The following LRFN1 variants were observed in gnomAD, a reference collection of about 807,000 sequenced individuals.
LRFN1 encodes the protein leucine-rich repeat and fibronectin type III domain-containing protein 1.
A neutral mutation model predicts 31.8 loss-of-function variants in LRFN1; 20 were observed. That is an observed-to-expected ratio of 0.63 (90% confidence interval 0.44 to 0.91). LRFN1 has a LOEUF of 0.91. LRFN1 is among the 40% of genes least tolerant of loss of function. The probability of loss-of-function intolerance (pLI) is 0.00; values close to 1 mark genes in which losing one functional copy is unlikely to be tolerated. For missense variants in LRFN1, 912 were observed against 1,129.8 expected (o/e 0.81, Z 2.76); for synonymous variants, 514 against 541.3 (o/e 0.95, Z 0.70).
chr19:39,311,018 C>T (rs2075148748), intron 4 of LRFN1, among the ~76,000 whole-genome samples: 1 of 152,218 alleles, frequency 6.6e-6, no homozygotes, highest in Non-Finnish European at 1.5e-5. Flanking sequence ...CCTTCCTCCT[C>T]CTCTCTTCAT....
At position 39,307,570 on chromosome 19, in the gene LRFN1, C is replaced by G. The variant is rs1255748801; in HGVS notation, c.*63G>C. The stretch of plus-strand genomic sequence containing the variant: ...GCTGCGCTTTCTCCCAGTCCCGCCC[C>G]AGCGTCCGTGCGGCTGGGCGTTTGG... On this transcript the variant is annotated 3_prime_UTR_variant, in exon 5 of 5. Transcript: ENST00000248668. This position sits in a 1 kb window ranked among gnomAD's most constrained non-coding sequence, Gnocchi z 6.7. 1 of 1,344,088 alleles carries G rather than the reference C, an allele frequency of 7.4e-7. No homozygotes were observed. The highest frequency in any genetic ancestry group is 3.1e-5 in the East Asian group (1 of 32,160). The allele number at this position is 1,344,088 out of a possible 1,614,324, so 83.3% of individuals were successfully genotyped here. A position where few individuals can be genotyped will look rare whatever the true frequency, so the allele number is the denominator to read the frequency against.
Position 39,313,912 on chromosome 19 carries a change from C to T in LRFN1, c.1406+19G>A, listed in dbSNP as rs764567440. On this transcript the variant is annotated intron_variant, in intron 4 of 4. Transcript: ENST00000248668. ...CTGGGCTTGGGAGGAGGCCCTGGGA[C>T]TGCAGCACCCGCACCCACCTGTAGA... 1 of 1,569,238 alleles carries T rather than the reference C, an allele frequency of 6.4e-7. No individual in the cohort carries two copies. The highest frequency in any genetic ancestry group is 8.6e-7 in the Non-Finnish European group (1 of 1,157,506).
intron 4 of LRFN1, among the ~76,000 whole-genome samples, chr19:39,312,969 T>C (rs2075156081): frequency 6.6e-6 from 1 of 152,084 alleles, no homozygotes; most frequent in Admixed American, 6.5e-5. Flanking sequence ...CTCAGGAGTT[T>C]GCACAAAGCA....
chr19:39,314,293 C>T lies in LRFN1; in HGVS notation c.1044G>A (p.Arg348=), dbSNP rs1244682919. 5 of 1,609,540 alleles carry T rather than the reference C, an allele frequency of 3.1e-6. No homozygotes were observed. Among genetic ancestry groups the T allele is most frequent in the South Asian group, 2.2e-5 (2 of 90,420 alleles). Residue 348 remains arginine, a synonymous_variant, in exon 4 of 5, where the codon CGG becomes CGA. Transcript: ENST00000248668. Reference sequence around the variant, plus strand: ...CATCCAGCGTCCCGTCCCCCCGGACCCGGGTCCGGCTGGAGTTCCCCAGCA... The same window carrying T: ...CATCCAGCGTCCCGTCCCCCCGGACTCGGGTCCGGCTGGAGTTCCCCAGCA... ...GRLLGNSSRT[R]VRGDGTLDVT... is the part of the protein sequence containing the mutation.
rs2075141135 is a variant in LRFN1 at position 39,308,993 on chromosome 19, C to T, written c.1407-451G>A. ...CTGGCCACCTCCCCTTTTCTGCATG[C>T]CCCATCCCCCACTCAGGTGGACACT... is the stretch of plus-strand genomic sequence containing the variant. On this transcript the variant is annotated intron_variant, in intron 4 of 4. Coordinates refer to ENST00000248668, the MANE Select transcript of LRFN1 (RefSeq NM_020862.2). This position sits in a 1 kb window ranked among gnomAD's most constrained non-coding sequence, Gnocchi z 6.2. Among the ~76,000 whole-genome samples the T allele has an allele frequency of 6.6e-6, 1 of 152,220 alleles. No homozygotes were observed. Among genetic ancestry groups the T allele is most frequent in the Non-Finnish European group, 1.5e-5 (1 of 68,038 alleles).
Position 39,314,260 on chromosome 19 carries a change from G to T in LRFN1, c.1077C>A (p.Ile359=). ...AGGTGCCACTGTCCCTCAAGGTGGT[G>T]ATGGTCACATCCAGCGTCCCGTCCC... The part of the protein sequence containing the change: ...VRGDGTLDVT[I]TTLRDSGTFT... Residue 359 remains isoleucine (I), a synonymous_variant, in exon 4 of 5, where the codon ATC becomes ATA. Coordinates refer to ENST00000248668, the MANE Select transcript of LRFN1 (RefSeq NM_020862.2). The T allele has an allele frequency of 6.2e-7, 1 of 1,613,186 alleles. No homozygotes were observed. Among genetic ancestry groups the T allele is most frequent in the Non-Finnish European group, 8.5e-7 (1 of 1,179,682 alleles).
At chr19:39,311,639 G>GTCA (rs1457192399) in intron 4 of LRFN1, among the ~76,000 whole-genome samples, 1 of 152,180 alleles carries the variant, frequency 6.6e-6, no homozygotes, top group African/African-American at 2.4e-5. Flanking sequence ...TGGAGAGGGG[G>GTCA]TCATCACGCC....
At position 39,315,488 on chromosome 19, in the gene LRFN1, G is replaced by T. The variant is rs2075169285; in HGVS notation, c.-37-115C>A. 6.2e-6 allele frequency: 4 copies of T among 647,128 alleles called. No homozygotes were observed. The South Asian group carries it at 7.1e-5, about 12-fold the overall frequency. The allele number at this position is 647,128 out of a possible 1,614,324, so 40.1% of individuals were successfully genotyped here. A position where few individuals can be genotyped will look rare whatever the true frequency, so the allele number is the denominator to read the frequency against. ...GCCTACAGCTGGGTTCCATAGGATG[G>T]TGAGAGGAAGCCACTATCAGCTATT... is the stretch of plus-strand genomic sequence containing the variant. On this transcript the variant is annotated intron_variant, in intron 3 of 4. Coordinates refer to ENST00000248668, the MANE Select transcript of LRFN1 (RefSeq NM_020862.2). The surrounding 1 kb of genome is among the most constrained non-coding windows in gnomAD (Gnocchi z 4.7).
Position 39,308,426 on chromosome 19 carries a change from C to A in LRFN1, c.1523G>T (p.Arg508Leu). 6 of 1,611,186 alleles carry A rather than the reference C, an allele frequency of 3.7e-6. No homozygotes were observed. Among genetic ancestry groups the A allele is most frequent in the Non-Finnish European group, 5.1e-6 (6 of 1,179,400 alleles). ...DDGATALPAT[R>L]VVGCVQFTTA... ...GGTGAACTGTACACAGCCCACCACT[C>A]GCGTTGCCGGCAGCGCTGTGGCCCC... Residue 508 changes from arginine to leucine, a missense_variant, in exon 5 of 5, where the codon CGA becomes CTA. Physicochemically the swap from Arg to Leu is moderately radical, Grantham distance 102 (BLOSUM62 -2). Around this residue, in one of 2 missense-constraint regions of LRFN1, gnomAD observed 511 missense variants for 557.0 expected, o/e 0.92. Transcript: ENST00000248668. This position sits in a 1 kb window ranked among gnomAD's most constrained non-coding sequence, Gnocchi z 6.2.
intron 1 of LRFN1, among the ~76,000 whole-genome samples, chr19:39,318,797 T>TGTCC (rs1171549705): frequency 4.6e-5 from 7 of 152,220 alleles, no homozygotes; most frequent in Admixed American, 3.3e-4. Context: ...CCAACATGTG[T>TGTCC]GTCCATGTCA....
chr19:39,315,415 C>A lies in LRFN1; in HGVS notation c.-37-42G>T. On this transcript the variant is annotated intron_variant, in intron 3 of 4. Coordinates refer to ENST00000248668, the MANE Select transcript of LRFN1 (RefSeq NM_020862.2). This position sits in a 1 kb window ranked among gnomAD's most constrained non-coding sequence, Gnocchi z 4.7. ...CGGTTACCCAGGCGTGGGACTTGGC[C>A]GCCATGGGATGTCCTGCTACGAGTC... 7.8e-7 allele frequency: 1 copy of A among 1,287,862 alleles called. No homozygotes were observed. The allele number at this position is 1,287,862 out of a possible 1,614,324, so 79.8% of individuals were successfully genotyped here.
At chr19:39,320,492 G>A (rs1568330558) in intron 1 of LRFN1, among the ~76,000 whole-genome samples, 1 of 151,998 alleles carries the variant, frequency 6.6e-6, no homozygotes, top group Non-Finnish European at 1.5e-5. Context: ...ACACACACCT[G>A]CACACAGCCC....
Position 39,314,184 on chromosome 19 carries a change from C to T in LRFN1, c.1153G>A (p.Val385Met), listed in dbSNP as rs1001277756. 1 of 1,613,222 alleles carries T rather than the reference C, an allele frequency of 6.2e-7. No individual in the cohort carries two copies. Among genetic ancestry groups the T allele is most frequent in the East Asian group, 2.2e-5 (1 of 44,862 alleles). Residue 385 changes from valine (V) to methionine (M), a missense_variant, in exon 4 of 5, where the codon GTG (valine) becomes ATG (methionine). Physicochemically the swap from Val to Met is conservative, Grantham distance 21 (BLOSUM62 1). Coordinates refer to ENST00000248668, the MANE Select transcript of LRFN1 (RefSeq NM_020862.2). ...ATCAGAGGCAGAGGTACCACGCACA[C>T]CTCCACGGGCGCCGTCGCTTCCCCA... ...AAGEATAPVE[V>M]CVVPLPLMAP...
chr19:39,307,581 C>G lies in LRFN1; in HGVS notation c.*52G>C. Reference sequence around the variant, plus strand: ...TCCCAGTCCCGCCCCAGCGTCCGTGCGGCTGGGCGTTTGGTCTGCGGCACC... The same window carrying G: ...TCCCAGTCCCGCCCCAGCGTCCGTGGGGCTGGGCGTTTGGTCTGCGGCACC... On this transcript the variant is annotated 3_prime_UTR_variant, in exon 5 of 5. Transcript: ENST00000248668. The surrounding 1 kb of genome is among the most constrained non-coding windows in gnomAD (Gnocchi z 6.7). The G allele has an allele frequency of 3.0e-6, 4 of 1,354,514 alleles. No individual in the cohort carries two copies. The highest frequency in any genetic ancestry group is 3.8e-6 in the Non-Finnish European group (4 of 1,057,076). 83.9% of individuals were successfully genotyped at this position (1,354,514 alleles called of 1,614,324 possible).
Position 39,314,138 on chromosome 19 carries a change from G to A in LRFN1, c.1199C>T (p.Pro400Leu), listed in dbSNP as rs370463385. The A allele has an allele frequency of 1.9e-6, 3 of 1,611,794 alleles. No homozygotes were observed. Among genetic ancestry groups the A allele is most frequent in the Non-Finnish European group, 2.5e-6 (3 of 1,179,234 alleles). The change falls in exon 4 of 5, where the codon CCG (proline) becomes CTG (leucine). Residue 400 changes from proline to leucine, a missense_variant. Around this residue, in one of 2 missense-constraint regions of LRFN1, gnomAD observed 511 missense variants for 557.0 expected, o/e 0.92. Transcript: ENST00000248668. Reference protein sequence around the residue: ...LPLMAPPPAAPPPLTEPGSSD... With the variant: ...LPLMAPPPAALPPLTEPGSSD... The stretch of plus-strand genomic sequence containing the variant: ...GGAGCCGGGCTCGGTGAGAGGCGGC[G>A]GGGCAGCCGGCGGGGGTGCCATCAG...
chr19:39,308,080 G>T lies in LRFN1; in HGVS notation c.1869C>A (p.Ala623=). ...SQAAPAVAVE[A]KAMEAETASA... ...ATGCCGTCTCGGCCTCCATGGCCTT[G>T]GCCTCGACGGCGACGGCGGGGGCAG... The change falls in exon 5 of 5, where the codon GCC becomes GCA. Residue 623 remains alanine, a synonymous_variant. Coordinates refer to ENST00000248668, the MANE Select transcript of LRFN1 (RefSeq NM_020862.2). The surrounding 1 kb of genome is among the most constrained non-coding windows in gnomAD (Gnocchi z 6.2). 1 of 1,499,808 alleles carries T rather than the reference G, an allele frequency of 6.7e-7. No individual in the cohort carries two copies. Among genetic ancestry groups the T allele is most frequent in the African/African-American group, 1.4e-5 (1 of 70,320 alleles). The allele number at this position is 1,499,808 out of a possible 1,614,324, so 92.9% of individuals were successfully genotyped here. A position where few individuals can be genotyped will look rare whatever the true frequency, so the allele number is the denominator to read the frequency against.
chr19:39,313,410 A>C (rs1468103422), intron 4 of LRFN1, among the ~76,000 whole-genome samples: 2 of 152,154 alleles, frequency 1.3e-5, no homozygotes, highest in Non-Finnish European at 2.9e-5. Context: ...GGGTATCTGT[A>C]ATCCCAGCTA....
At position 39,307,473 on chromosome 19, in the gene LRFN1, G is replaced by A. The variant is rs956734731; in HGVS notation, c.*160C>T. On this transcript the variant is annotated 3_prime_UTR_variant, in exon 5 of 5. Transcript: ENST00000248668. This position sits in a 1 kb window ranked among gnomAD's most constrained non-coding sequence, Gnocchi z 6.7. The stretch of plus-strand genomic sequence containing the variant: ...CCTGGGCACGGGGGCGTGGCCTCGA[G>A]CCGCAGCCCGAGGCTGCCCCGCCCC... 56 of 789,098 alleles carry A rather than the reference G, an allele frequency of 7.1e-5. No individual in the cohort carries two copies. The highest frequency in any genetic ancestry group is 9.3e-5 in the Non-Finnish European group (53 of 570,516). The allele number at this position is 789,098 out of a possible 1,614,324, so 48.9% of individuals were successfully genotyped here.
At position 39,307,210 on chromosome 19, in the gene LRFN1, T is replaced by G. The variant is rs991884121; in HGVS notation, c.*423A>C. 13 of 397,034 alleles carry G rather than the reference T, an allele frequency of 3.3e-5. No homozygotes were observed. The highest frequency in any genetic ancestry group is 4.9e-5 in the Non-Finnish European group (11 of 225,656). The allele number at this position is 397,034 out of a possible 1,614,324, so 24.6% of individuals were successfully genotyped here. A position where few individuals can be genotyped will look rare whatever the true frequency, so the allele number is the denominator to read the frequency against. On this transcript the variant is annotated 3_prime_UTR_variant, in exon 5 of 5. Coordinates refer to ENST00000248668, the MANE Select transcript of LRFN1 (RefSeq NM_020862.2). This position sits in a 1 kb window ranked among gnomAD's most constrained non-coding sequence, Gnocchi z 6.7. ...CTTTGGAGGCCGCCGCGGGACAGAA[T>G]AGGATCTAGTCCAGCCAGATACAAG...
Sources: allele counts gnomAD v4.1 joint callset (sites outside exome capture counted in the v4.1 genomes callset), GRCh38; gene constraint gnomAD v4.1.1; regional missense constraint gnomAD v4.1.1; non-coding constraint Gnocchi (gnomAD v3.1); transcripts MANE v1.5; gene names NCBI Gene and HGNC (gene_info 2026-07-23, HGNC 2026-07-21).